BBX: variants seen among roughly 807,000 people sequenced by gnomAD.
BBX encodes the protein HMG box transcription factor BBX.
BBX carries 30 observed loss-of-function variants against 100.2 expected under a neutral mutation model. The observed-to-expected ratio is 0.30, with a 90% CI of 0.22 to 0.41. The LOEUF is 0.41. BBX is among the 10% of genes least tolerant of loss of function. The pLI, the probability that BBX is intolerant of heterozygous loss-of-function variation, is 1.00. For synonymous variants in BBX, 376 were observed against 388.1 expected (o/e 0.97, Z 0.37); for missense variants, 1,023 against 1,129.8 (o/e 0.91, Z 1.35).
chr3:107,679,297 A>G (rs918086323), intron 3 of BBX, among the ~76,000 whole-genome samples: 1 of 152,172 alleles, frequency 6.6e-6, no homozygotes, highest in Non-Finnish European at 1.5e-5. Context: ...TTTGACACAG[A>G]TGATACATAA....
chr3:107,670,978 G>A (rs1188080681), intron 3 of BBX, among the ~76,000 whole-genome samples: 1 of 151,918 alleles, frequency 6.6e-6, no homozygotes, highest in Non-Finnish European at 1.5e-5. Context: ...GGCTAGTTGA[G>A]GAATGTCTGT....
At chr3:107,673,347 T>C (rs539386388) in intron 3 of BBX, among the ~76,000 whole-genome samples, 24 of 152,164 alleles carry the variant, frequency 1.6e-4, no homozygotes, top group Middle Eastern at 3.4e-3. Context: ...TGGGGTATGG[T>C]AGTAAGTTTT....
intron 2 of BBX, among the ~76,000 whole-genome samples, chr3:107,567,394 CT>C (rs1171632313): frequency 6.6e-6 from 1 of 151,752 alleles, no homozygotes; most frequent in Admixed American, 6.6e-5. Context: ...TGGGTTTTGT[CT>C]TTTTTTCTTT....
chr3:107,631,343 C>T (rs1205926531), intron 2 of BBX, among the ~76,000 whole-genome samples: 1 of 152,132 alleles, frequency 6.6e-6, no homozygotes, highest in Non-Finnish European at 1.5e-5. Context: ...TAGATTAAAA[C>T]AAGGAAGAAG....
chr3:107,524,037 A>ATC (rs2047564591), intron 1 of BBX: 1 of 151,576 alleles, frequency 6.6e-6, no homozygotes, highest in Admixed American at 6.6e-5. Flanking sequence ...ACGGGAGGGA[A>ATC]GAGAGGAGGG....
chr3:107,649,571 T>A (rs1319644606), intron 3 of BBX, among the ~76,000 whole-genome samples: 22 of 152,186 alleles, frequency 1.4e-4, no homozygotes. Flanking sequence ...AAAAGAAAGA[T>A]GTGATCAAAG....
chr3:107,696,233 G>A (rs2060587448), intron 3 of BBX, among the ~76,000 whole-genome samples: 1 of 151,786 alleles, frequency 6.6e-6, no homozygotes, highest in Non-Finnish European at 1.5e-5. Flanking sequence ...ATTTGATCCT[G>A]TCATTGTGAT....
intron 2 of BBX, among the ~76,000 whole-genome samples, chr3:107,545,701 G>A (rs1431956377): frequency 1.3e-5 from 2 of 152,124 alleles, no homozygotes; most frequent in Non-Finnish European, 2.9e-5. Context: ...TTAGGGAATG[G>A]CAATTGGTGG....
chr3:107,597,528 G>A (rs2053746559), intron 2 of BBX, among the ~76,000 whole-genome samples: 1 of 151,970 alleles, frequency 6.6e-6, no homozygotes, highest in African/African-American at 2.4e-5. Context: ...GAATATTATT[G>A]GGGAAAGAGT....
At chr3:107,584,177 ATTATATATAATATATGAT>A (rs2052623493) in intron 2 of BBX, among the ~76,000 whole-genome samples, 2 of 31,462 alleles carry the variant, frequency 6.4e-5, no homozygotes, top group Non-Finnish European at 1.2e-4. Flanking sequence ...TATTATATAT[ATTATATATAATATATGAT>A]ATATATATTA....
At position 107,797,878 on chromosome 3, in the gene BBX, G is replaced by A. The variant is rs531634335; in HGVS notation, c.2354-645G>A. ...TCTCCACAAGCCAGGATGACATGTG[G>A]GACTTCATTAAATTATCTCACTAAG... On this transcript the variant is annotated intron_variant, in intron 15 of 17. Transcript: ENST00000325805. Among the ~76,000 whole-genome samples, 26 of 152,238 alleles carry A rather than the reference G, an allele frequency of 1.7e-4. No homozygotes were observed. The South Asian group carries it at 5.2e-3, about 30-fold the overall frequency.
intron 7 of BBX, among the ~76,000 whole-genome samples, chr3:107,736,691 G>T (rs2063655103): frequency 6.6e-6 from 1 of 151,966 alleles, no homozygotes. Flanking sequence ...AAAAAACAAG[G>T]CAGGGAGTGA....
intron 2 of BBX, among the ~76,000 whole-genome samples, chr3:107,612,094 A>C (rs2054886433): frequency 6.6e-6 from 1 of 151,958 alleles, no homozygotes. Flanking sequence ...CTCTTTATTA[A>C]ATTTATCTGA....
chr3:107,661,445 G>C (rs1187017395), intron 3 of BBX, among the ~76,000 whole-genome samples: 1 of 152,090 alleles, frequency 6.6e-6, no homozygotes, highest in African/African-American at 2.4e-5. Flanking sequence ...CTTATTTATA[G>C]CTGGGTTGTT....
At chr3:107,661,213 A>T (rs1231024640) in intron 3 of BBX, among the ~76,000 whole-genome samples, 1 of 152,108 alleles carries the variant, frequency 6.6e-6, no homozygotes, top group Admixed American at 6.6e-5. Context: ...GTCCCATAAG[A>T]TAGAAAAATT....
At chr3:107,660,927 G>A (rs1371551628) in intron 3 of BBX, among the ~76,000 whole-genome samples, 1 of 152,106 alleles carries the variant, frequency 6.6e-6, no homozygotes, top group East Asian at 1.9e-4. Context: ...TTTGAGCACC[G>A]GTTCTTTACT....
chr3:107,764,810 A>T (rs895687590), intron 10 of BBX, among the ~76,000 whole-genome samples: 1 of 152,220 alleles, frequency 6.6e-6, no homozygotes. Flanking sequence ...CCCACAATGT[A>T]GCCTTATTCA....
At chr3:107,765,655 G>C (rs1310360006) in intron 10 of BBX, among the ~76,000 whole-genome samples, 1 of 152,144 alleles carries the variant, frequency 6.6e-6, no homozygotes, top group African/African-American at 2.4e-5. Flanking sequence ...ATCACTGTCA[G>C]ACCTTTCTGA....
At chr3:107,755,935 A>G (rs757823698) in intron 10 of BBX, among the ~76,000 whole-genome samples, 3 of 152,200 alleles carry the variant, frequency 2.0e-5, no homozygotes, top group Non-Finnish European at 2.9e-5. Context: ...AAGGTTACTT[A>G]GATTGGCTAT....
Sources: gnomAD v4.1 joint callset for allele counts (sites outside exome capture counted in the v4.1 genomes callset) on GRCh38, gnomAD v4.1.1 for gene constraint, MANE v1.5 for transcripts, NCBI Gene and HGNC (gene_info 2026-07-23, HGNC 2026-07-21) for gene names.